DAPP1: variants seen among roughly 807,000 people sequenced by gnomAD.
DAPP1 encodes dual adapter for phosphotyrosine and 3-phosphotyrosine and 3-phosphoinositide.
A neutral mutation model predicts 41.5 loss-of-function variants in DAPP1; 20 were observed. The ratio of observed to expected loss-of-function variants is 0.48; its 90% CI spans 0.34 to 0.70. The LOEUF is 0.70. Among genes scored for constraint, DAPP1 ranks in the 30% least tolerant of loss-of-function variants. The pLI is 0.01. For synonymous variants in DAPP1, 113 were observed against 116.2 expected (o/e 0.97, Z 0.18); for missense variants, 233 against 333.4 (o/e 0.70, Z 2.35).
chr4:99,837,978 T>C (rs943754805), intron 2 of DAPP1, among the ~76,000 whole-genome samples: 1 of 152,086 alleles, frequency 6.6e-6, no homozygotes, highest in Non-Finnish European at 1.5e-5. Flanking sequence ...TGAGAATCTA[T>C]TGCCTCTACT....
At chr4:99,842,151 T>G (rs1309629262) in intron 3 of DAPP1, among the ~76,000 whole-genome samples, 1 of 152,208 alleles carries the variant, frequency 6.6e-6, no homozygotes, top group Non-Finnish European at 1.5e-5. Context: ...GATATTGCAT[T>G]TGGGACAATG....
chr4:99,857,725 C>A (rs1375259121), intron 4 of DAPP1, among the ~76,000 whole-genome samples: 1 of 149,976 alleles, frequency 6.7e-6, no homozygotes, highest in Non-Finnish European at 1.5e-5. Flanking sequence ...CACACACACA[C>A]ACACACACAC....
chr4:99,850,175 C>T (rs1473630062), intron 3 of DAPP1, among the ~76,000 whole-genome samples: 3 of 152,156 alleles, frequency 2.0e-5, no homozygotes, highest in Non-Finnish European at 1.5e-5. Flanking sequence ...TTTGGGAGGC[C>T]GAGGCGGGTG....
At chr4:99,839,704 T>C (rs979670559) in intron 2 of DAPP1, among the ~76,000 whole-genome samples, 1 of 152,214 alleles carries the variant, frequency 6.6e-6, no homozygotes, top group African/African-American at 2.4e-5. Context: ...CAGCATAATG[T>C]TCAAGGACTC....
intron 2 of DAPP1, among the ~76,000 whole-genome samples, chr4:99,836,145 G>A (rs1445960913): frequency 6.6e-6 from 1 of 152,062 alleles, no homozygotes; most frequent in Non-Finnish European, 1.5e-5. Context: ...ATGACTGTAC[G>A]GCTTTCATAG....
intron 3 of DAPP1, chr4:99,844,131 G>A (rs77848070): frequency 6.6e-6 from 1 of 152,090 alleles, no homozygotes; most frequent in African/African-American, 2.4e-5. Flanking sequence ...GCTCGCAGAC[G>A]GTTTGAAGGG....
At chr4:99,817,257 A>G (rs887789378) in intron 1 of DAPP1, among the ~76,000 whole-genome samples, 3 of 152,180 alleles carry the variant, frequency 2.0e-5, no homozygotes, top group East Asian at 1.9e-4. Flanking sequence ...GAAAATAGGG[A>G]AAAAAATCAA....
intron 1 of DAPP1, among the ~76,000 whole-genome samples, chr4:99,820,951 C>A (rs1258989346): frequency 1.3e-5 from 2 of 152,154 alleles, no homozygotes; most frequent in Admixed American, 1.3e-4. Flanking sequence ...AGGAATTAAC[C>A]CTCAGCTGGT....
chr4:99,823,715 T>C (rs1722848499), intron 1 of DAPP1, among the ~76,000 whole-genome samples: 1 of 152,148 alleles, frequency 6.6e-6, no homozygotes, highest in African/African-American at 2.4e-5. Flanking sequence ...GTCATCATGT[T>C]TTGTTTTTAG....
chr4:99,868,749 ATTTAT>A lies in DAPP1; in HGVS notation c.*568_*572del, dbSNP rs1724550405. The A allele has an allele frequency of 6.6e-6, 1 of 151,662 alleles. No individual in the cohort carries two copies. Among genetic ancestry groups the A allele is most frequent in the African/African-American group, 2.4e-5 (1 of 41,298 alleles). The allele number at this position is 151,662 out of a possible 1,614,324, so 9.4% of individuals were successfully genotyped here. ...AACTAAAATAGAAAATGCTTGTGGC[ATTTAT>A]TTTCTCTTTTTAAAAGGTTCAGAAA... On this transcript the variant is annotated 3_prime_UTR_variant, in exon 9 of 9. Transcript: ENST00000512369.
intron 1 of DAPP1, among the ~76,000 whole-genome samples, chr4:99,831,574 A>G (rs189466244): frequency 5.8e-4 from 89 of 152,328 alleles, no homozygotes; most frequent in Non-Finnish European, 1.1e-3. Context: ...ACAATTCTGC[A>G]GTGAACACCC....
At chr4:99,836,606 A>G (rs1024288000) in intron 2 of DAPP1, among the ~76,000 whole-genome samples, 1 of 152,122 alleles carries the variant, frequency 6.6e-6, no homozygotes, top group Non-Finnish European at 1.5e-5. Flanking sequence ...TTCCCTTCAT[A>G]GTGCAGTTCC....
intron 1 of DAPP1, among the ~76,000 whole-genome samples, chr4:99,825,507 C>T (rs1480258185): frequency 1.3e-5 from 2 of 152,168 alleles, no homozygotes; most frequent in Non-Finnish European, 2.9e-5. Context: ...TTGCATGCTC[C>T]GCCTCTGTCA....
intron 8 of DAPP1, among the ~76,000 whole-genome samples, chr4:99,867,876 G>C (rs935879373): frequency 8.6e-5 from 13 of 151,940 alleles, no homozygotes; most frequent in African/African-American, 3.1e-4. Context: ...GTAAGTATTA[G>C]ACCAATTCCC....
At chr4:99,818,303 A>G (rs546894989) in intron 1 of DAPP1, among the ~76,000 whole-genome samples, 1 of 152,244 alleles carries the variant, frequency 6.6e-6, no homozygotes, top group Non-Finnish European at 1.5e-5. Flanking sequence ...AGCATCCAGC[A>G]CAGGTGTCAC....
intron 3 of DAPP1, among the ~76,000 whole-genome samples, chr4:99,850,728 C>A (rs1455642404): frequency 6.6e-6 from 1 of 152,172 alleles, no homozygotes; most frequent in African/African-American, 2.4e-5. Context: ...TTATTCCTAG[C>A]AGAATGTTGC....
intron 4 of DAPP1, among the ~76,000 whole-genome samples, chr4:99,854,321 AG>A (rs1464530372): frequency 6.6e-6 from 1 of 152,226 alleles, no homozygotes; most frequent in Non-Finnish European, 1.5e-5. Context: ...TCCTGGTATA[AG>A]AAACCTCTAT....
intron 3 of DAPP1, among the ~76,000 whole-genome samples, chr4:99,845,610 G>T (rs1350096525): frequency 6.6e-6 from 1 of 152,212 alleles, no homozygotes; most frequent in African/African-American, 2.4e-5. Context: ...CTTCTTTAAA[G>T]TCTACAATAA....
At chr4:99,865,344 G>A (rs1332507063) in intron 7 of DAPP1, 1 of 152,130 alleles carries the variant, frequency 6.6e-6, no homozygotes, top group Non-Finnish European at 1.5e-5. Context: ...TTTTAACTAG[G>A]TAATCAGACA....
Sources: gnomAD v4.1 joint callset for allele counts (sites outside exome capture counted in the v4.1 genomes callset) on GRCh38, gnomAD v4.1.1 for gene constraint, MANE v1.5 for transcripts, NCBI Gene and HGNC (gene_info 2026-07-23, HGNC 2026-07-21) for gene names.